SLC25A13: variants seen among roughly 807,000 people sequenced by gnomAD.
The protein encoded by SLC25A13 is solute carrier family 25 member 13.
In SLC25A13, 70 loss-of-function variants were observed where a neutral mutation model predicts 85.5. That is an observed-to-expected ratio of 0.82 (90% CI 0.68 to 1.00). The LOEUF (loss-of-function observed/expected upper bound fraction) is 1.00, where lower values mean the gene tolerates loss of function less well. SLC25A13 is among the 50% of genes least tolerant of loss of function. The probability of loss-of-function intolerance (pLI) is 0.00; values close to 1 mark genes in which losing one functional copy is unlikely to be tolerated. For synonymous variants in SLC25A13, 259 were observed against 288.7 expected, an observed-to-expected ratio of 0.90 and a Z score of 1.04; for missense variants, 765 against 819.8, an observed-to-expected ratio of 0.93 and a Z score of 0.82.
intron 1 of SLC25A13, among the ~76,000 whole-genome samples, chr7:96,321,708 T>C (rs928747482): frequency 2.0e-5 from 3 of 151,882 alleles, no homozygotes; most frequent in Admixed American, 1.3e-4. Context: ...CAAGTGGGAG[T>C]GTCCGGCCCA....
chr7:96,142,256 T>G (rs934716099), intron 14 of SLC25A13, among the ~76,000 whole-genome samples: 1 of 152,160 alleles, frequency 6.6e-6, no homozygotes, highest in Admixed American at 6.5e-5. Flanking sequence ...AAGGAAGCTT[T>G]TCAGCCCTTT....
At chr7:96,235,212 T>C (rs1212695790) in intron 3 of SLC25A13, among the ~76,000 whole-genome samples, 1 of 152,212 alleles carries the variant, frequency 6.6e-6, no homozygotes, top group African/African-American at 2.4e-5. Flanking sequence ...TTCAGGCATG[T>C]TTTTGGGTTC....
At chr7:96,182,743 A>G (rs951056439) in intron 11 of SLC25A13, among the ~76,000 whole-genome samples, 26 of 152,220 alleles carry the variant, frequency 1.7e-4, no homozygotes, top group African/African-American at 5.3e-4. Flanking sequence ...AAAGATCGAG[A>G]AAAAAGGACT....
At chr7:96,281,610 CAG>C (rs1374299667) in intron 2 of SLC25A13, among the ~76,000 whole-genome samples, 1 of 152,116 alleles carries the variant, frequency 6.6e-6, no homozygotes, top group African/African-American at 2.4e-5. Flanking sequence ...GAAGGGGCAT[CAG>C]AGGGCCTCTG....
intron 1 of SLC25A13, among the ~76,000 whole-genome samples, chr7:96,311,210 G>A (rs1193233575): frequency 1.3e-5 from 2 of 152,098 alleles, no homozygotes; most frequent in Non-Finnish European, 2.9e-5. Context: ...GCAAAAAGCT[G>A]GTGGACTTAA....
chr7:96,170,939 A>G (rs896984891), intron 12 of SLC25A13, among the ~76,000 whole-genome samples: 1 of 152,184 alleles, frequency 6.6e-6, no homozygotes, highest in African/African-American at 2.4e-5. Flanking sequence ...ATCAACTTCA[A>G]CTAGAACCCA....
chr7:96,281,692 A>G (rs1798685461), intron 2 of SLC25A13, among the ~76,000 whole-genome samples: 1 of 152,164 alleles, frequency 6.6e-6, no homozygotes, highest in Non-Finnish European at 1.5e-5. Flanking sequence ...GTATGCATTC[A>G]ATTTATATTT....
At chr7:96,171,209 T>A (rs1161982194) in intron 12 of SLC25A13, among the ~76,000 whole-genome samples, 1 of 152,208 alleles carries the variant, frequency 6.6e-6, no homozygotes, top group African/African-American at 2.4e-5. Flanking sequence ...ATATGGTAGA[T>A]ACTGAAGGGA....
intron 1 of SLC25A13, among the ~76,000 whole-genome samples, chr7:96,302,752 A>G (rs1006022489): frequency 6.6e-6 from 1 of 152,174 alleles, no homozygotes; most frequent in Non-Finnish European, 1.5e-5. Context: ...CTTCAGACCA[A>G]TGGTTCTCAA....
chr7:96,168,098 GAAAA>G (rs543491037), intron 13 of SLC25A13, among the ~76,000 whole-genome samples: 124 of 19,636 alleles, frequency 6.3e-3, no homozygotes, highest in African/African-American at 0.01. Flanking sequence ...AACTCTGTCT[GAAAA>G]AAAAAAAAAA....
At position 96,256,050 on chromosome 7, in the gene SLC25A13, G is replaced by A. The variant is rs182710329; in HGVS notation, c.213-21133C>T. ...TGAGGGATATCGTCACCACCAGGCC[G>A]GCCTTACAAGAACTCCTGAAGGAAG... On this transcript the variant is annotated intron_variant, in intron 3 of 17. Coordinates refer to ENST00000265631, the MANE Select transcript of SLC25A13 (RefSeq NM_014251.3). Among the ~76,000 whole-genome samples, 196 of 151,976 alleles carry A rather than the reference G, an allele frequency of 1.3e-3. 2 individuals carry two copies. Among genetic ancestry groups the A allele is most frequent in the Non-Finnish European group, 1.1e-3 (77 of 67,988 alleles).
At chr7:96,200,632 G>A (rs893951671) in intron 5 of SLC25A13, among the ~76,000 whole-genome samples, 1 of 152,022 alleles carries the variant, frequency 6.6e-6, no homozygotes, top group Non-Finnish European at 1.5e-5. Flanking sequence ...TAATTAAAAG[G>A]GTCTTTGGAA....
At chr7:96,204,775 C>T (rs1048861259) in intron 5 of SLC25A13, among the ~76,000 whole-genome samples, 6 of 152,174 alleles carry the variant, frequency 3.9e-5, no homozygotes, top group African/African-American at 1.4e-4. Flanking sequence ...ATAGTCTCTG[C>T]ACCTTTCAAA....
At chr7:96,244,574 T>C (rs980815338) in intron 3 of SLC25A13, among the ~76,000 whole-genome samples, 1 of 152,208 alleles carries the variant, frequency 6.6e-6, no homozygotes, top group Non-Finnish European at 1.5e-5. Flanking sequence ...TCTTGTTCCA[T>C]AAAAGGTGCT....
chr7:96,139,235 AT>A (rs543724434), intron 14 of SLC25A13, among the ~76,000 whole-genome samples: 10 of 151,866 alleles, frequency 6.6e-5, no homozygotes, highest in African/African-American at 2.2e-4. Context: ...AAAAAGAAAA[AT>A]TTTTTTTTCA....
intron 4 of SLC25A13, among the ~76,000 whole-genome samples, chr7:96,234,301 C>T (rs1456077109): frequency 6.6e-6 from 1 of 152,098 alleles, no homozygotes. Flanking sequence ...GCAGTCAGGT[C>T]GGGGGAGCGG....
intron 11 of SLC25A13, among the ~76,000 whole-genome samples, chr7:96,175,183 G>A (rs959822429): frequency 6.6e-6 from 1 of 152,160 alleles, no homozygotes; most frequent in Admixed American, 6.5e-5. Context: ...TATTTGCCCT[G>A]GGACTTCAAG....
intron 3 of SLC25A13, among the ~76,000 whole-genome samples, chr7:96,244,987 T>C (rs746637915): frequency 2.6e-5 from 4 of 152,084 alleles, no homozygotes; most frequent in African/African-American, 4.8e-5. Context: ...CTCTCGTAAT[T>C]GTGAGCTTAA....
intron 2 of SLC25A13, among the ~76,000 whole-genome samples, chr7:96,290,687 A>C (rs1374707726): frequency 1.3e-5 from 2 of 152,178 alleles, no homozygotes; most frequent in African/African-American, 4.8e-5. Context: ...AAAGAAGGCC[A>C]TTACATAATG....
Sources: gnomAD v4.1 joint callset for allele counts (sites outside exome capture counted in the v4.1 genomes callset) on GRCh38, gnomAD v4.1.1 for gene constraint, MANE v1.5 for transcripts, NCBI Gene and HGNC (gene_info 2026-07-23, HGNC 2026-07-21) for gene names.